LINGO2: variants seen among roughly 807,000 people sequenced by gnomAD.
LINGO2 encodes the protein leucine rich repeat and Ig domain containing 2.
In LINGO2, 14 loss-of-function variants were observed where a neutral mutation model predicts 30.6. That is an observed-to-expected ratio of 0.46 (90% CI 0.30 to 0.72). The LOEUF (loss-of-function observed/expected upper bound fraction) is 0.72, where lower values mean the gene tolerates loss of function less well. Among genes scored for constraint, LINGO2 ranks in the 30% least tolerant of loss-of-function variants. The pLI is 0.07. For missense variants in LINGO2, 729 were observed against 751.7 expected (o/e 0.97, Z 0.35); for synonymous variants, 317 against 288.5 (o/e 1.10, Z -1.00).
chr9:28,113,971 G>A (rs1000774538), intron 4 of LINGO2, among the ~76,000 whole-genome samples: 1 of 53,264 alleles, frequency 1.9e-5, no homozygotes, highest in African/African-American at 5.3e-5. Context: ...GGTGAGAGAG[G>A]GCATCCCTGT....
At chr9:28,574,128 A>G (rs1305097144) in intron 1 of LINGO2, among the ~76,000 whole-genome samples, 1 of 152,192 alleles carries the variant, frequency 6.6e-6, no homozygotes, top group Non-Finnish European at 1.5e-5. Flanking sequence ...CAGACTTCTA[A>G]GCCTAATCTA....
chr9:28,504,928 C>G (rs2135332384), intron 1 of LINGO2, among the ~76,000 whole-genome samples: 1 of 151,676 alleles, frequency 6.6e-6, no homozygotes, highest in African/African-American at 2.4e-5. Flanking sequence ...AGGGTGTCAA[C>G]AAACAGGGAA....
chr9:28,312,478 C>T (rs552326368), intron 3 of LINGO2, among the ~76,000 whole-genome samples: 1 of 151,982 alleles, frequency 6.6e-6, no homozygotes, highest in Non-Finnish European at 1.5e-5. Context: ...ATTATGATTA[C>T]ATTTTAAAAA....
the LINGO2 span, among the ~76,000 whole-genome samples, chr9:29,072,440 A>G: frequency 6.6e-6 from 1 of 151,918 alleles, no homozygotes; most frequent in Non-Finnish European, 1.5e-5. Context: ...TAAATGTACT[A>G]AAAACACTAA....
chr9:28,338,877 A>C (rs1825674504), intron 3 of LINGO2, among the ~76,000 whole-genome samples: 1 of 152,110 alleles, frequency 6.6e-6, no homozygotes, highest in African/African-American at 2.4e-5. Flanking sequence ...CTTTATTAGC[A>C]GTGTGAGAAC....
chr9:27,948,585 T>C (rs1587504434), exon 6 of LINGO2: 1 of 388,246 alleles, frequency 2.6e-6, no homozygotes. Context: ...GAGCCAAATA[T>C]TCAGGTTCAT....
intron 4 of LINGO2, among the ~76,000 whole-genome samples, chr9:28,260,760 T>G (rs1279758327): frequency 3.9e-5 from 6 of 151,972 alleles, no homozygotes; most frequent in Non-Finnish European, 7.4e-5. Flanking sequence ...GTTTCTTACC[T>G]CTGAAAATAA....
chr9:28,606,471 T>C (rs192640483), intron 1 of LINGO2, among the ~76,000 whole-genome samples: 186 of 152,140 alleles, frequency 1.2e-3, no homozygotes, highest in Admixed American at 6.4e-3. Flanking sequence ...CCACTATTCC[T>C]GTGACCTATC....
chr9:28,940,864 T>C, the LINGO2 span, among the ~76,000 whole-genome samples: 1 of 152,090 alleles, frequency 6.6e-6, no homozygotes, highest in African/African-American at 2.4e-5. Context: ...ACTAAACACA[T>C]CAAGATTTTG....
Position 28,148,157 on chromosome 9 carries a change from A to C in LINGO2, c.-86-135752T>G. The C allele has an allele frequency of 1.1e-6, 1 of 895,374 alleles. No homozygotes were observed. Among genetic ancestry groups the C allele is most frequent in the Non-Finnish European group, 1.5e-6 (1 of 657,494 alleles). The allele number at this position is 895,374 out of a possible 1,614,324, so 55.5% of individuals were successfully genotyped here. A position where few individuals can be genotyped will look rare whatever the true frequency, so the allele number is the denominator to read the frequency against. ...CGTGGGCCGTTTCCCACTCCTCTTC[A>C]ACCCTCAGCGACATCTTGGGCCTTC... On this transcript the variant is annotated intron_variant, in intron 4 of 5. Coordinates refer to ENST00000379992, the Ensembl canonical transcript of LINGO2. This position sits in a 1 kb window ranked among gnomAD's most constrained non-coding sequence, Gnocchi z 5.1.
At chr9:28,211,990 T>C (rs185403845) in intron 4 of LINGO2, among the ~76,000 whole-genome samples, 96 of 151,504 alleles carry the variant, frequency 6.3e-4, no homozygotes, top group African/African-American at 2.2e-3. Context: ...ACCAACCTAA[T>C]AGTTTAGACT....
chr9:28,678,285 T>G, the LINGO2 span, among the ~76,000 whole-genome samples: 784 of 152,274 alleles, frequency 5.1e-3, 9 homozygotes, highest in African/African-American at 0.018. Context: ...AGTTTCATTC[T>G]ATTTCAAAGC....
intron 5 of LINGO2, among the ~76,000 whole-genome samples, chr9:27,952,606 A>G (rs1819370696): frequency 6.6e-6 from 1 of 152,054 alleles, no homozygotes; most frequent in Non-Finnish European, 1.5e-5. Context: ...AGAAAACAGA[A>G]AGTAAGGAAT....
chr9:28,011,365 C>T (rs1822544507), intron 5 of LINGO2, among the ~76,000 whole-genome samples: 1 of 152,176 alleles, frequency 6.6e-6, no homozygotes, highest in Non-Finnish European at 1.5e-5. Context: ...ATACTGTGTA[C>T]ATCATTCTGC....
chr9:29,200,543 C>A, the LINGO2 span, among the ~76,000 whole-genome samples: 5 of 151,948 alleles, frequency 3.3e-5, no homozygotes, highest in African/African-American at 4.8e-5. Flanking sequence ...TTTAAAAAGA[C>A]CTTTTTAAAC....
At chr9:28,387,903 A>G (rs1470325839) in intron 2 of LINGO2, among the ~76,000 whole-genome samples, 2 of 152,086 alleles carry the variant, frequency 1.3e-5, no homozygotes, top group Non-Finnish European at 2.9e-5. Flanking sequence ...AACTCCGGAC[A>G]CACCATCTTT....
At chr9:28,721,986 A>G in the LINGO2 span, among the ~76,000 whole-genome samples, 1 of 152,210 alleles carries the variant, frequency 6.6e-6, no homozygotes, top group East Asian at 1.9e-4. Flanking sequence ...GAAAAATGGG[A>G]AAATCTTCAT....
the LINGO2 span, among the ~76,000 whole-genome samples, chr9:29,021,229 A>C: frequency 2.1e-4 from 32 of 152,288 alleles, no homozygotes; most frequent in African/African-American, 7.2e-4. Flanking sequence ...GATGAAACTC[A>C]ATGGATTATT....
the LINGO2 span, among the ~76,000 whole-genome samples, chr9:28,727,010 G>A: frequency 3.3e-5 from 5 of 152,036 alleles, no homozygotes; most frequent in African/African-American, 1.2e-4. Context: ...TGACATCCCA[G>A]TTTCTTCCAG....
Sources: allele counts gnomAD v4.1 joint callset (sites outside exome capture counted in the v4.1 genomes callset), GRCh38; gene constraint gnomAD v4.1.1; non-coding constraint Gnocchi (gnomAD v3.1); transcripts MANE v1.5; gene names NCBI Gene and HGNC (gene_info 2026-07-23, HGNC 2026-07-21).